The following IGSF21 variants were observed in gnomAD, a reference collection of about 807,000 sequenced individuals.
IGSF21 encodes the protein immunoglobin superfamily member 21, also known as immunoglobulin superfamily member 21.
IGSF21 carries 28 observed loss-of-function variants against 46.8 expected under a neutral mutation model. That is an observed-to-expected ratio of 0.60 (90% CI 0.44 to 0.82). The LOEUF is 0.82. IGSF21 is among the 40% of genes least tolerant of loss of function. IGSF21 has a pLI of 0.00. For synonymous variants in IGSF21, 284 were observed against 273.6 expected, an observed-to-expected ratio of 1.04 and a Z score of -0.38; for missense variants, 624 against 665.5, an observed-to-expected ratio of 0.94 and a Z score of 0.69.
chr1:18,215,388 G>A (rs1171138299), intron 1 of IGSF21, among the ~76,000 whole-genome samples: 2 of 152,190 alleles, frequency 1.3e-5, no homozygotes, highest in Admixed American at 6.5e-5. Context: ...GTGGGAAACA[G>A]ACTGGCAAAA....
At chr1:18,123,346 T>C (rs1162297858) in intron 1 of IGSF21, among the ~76,000 whole-genome samples, 1 of 152,236 alleles carries the variant, frequency 6.6e-6, no homozygotes, top group Non-Finnish European at 1.5e-5. Flanking sequence ...CTCCATTTCC[T>C]GGGAGCATAG....
intron 1 of IGSF21, among the ~76,000 whole-genome samples, chr1:18,142,221 A>G (rs1233013836): frequency 2.0e-5 from 3 of 152,174 alleles, no homozygotes; most frequent in African/African-American, 7.2e-5. Flanking sequence ...AGGGGACTCC[A>G]TTTAATGAAC....
intron 2 of IGSF21, among the ~76,000 whole-genome samples, chr1:18,230,911 C>T (rs1218916361): frequency 1.3e-5 from 2 of 151,884 alleles, no homozygotes; most frequent in Admixed American, 6.6e-5. Flanking sequence ...CCTTCCCCAT[C>T]TCCCTCTCCC....
At chr1:18,291,191 T>C (rs1170409560) in intron 2 of IGSF21, among the ~76,000 whole-genome samples, 1 of 152,166 alleles carries the variant, frequency 6.6e-6, no homozygotes, top group East Asian at 1.9e-4. Context: ...CCCGGCAGCC[T>C]TGGGCTTCCA....
chr1:18,253,272 C>T (rs2084859801), intron 2 of IGSF21, among the ~76,000 whole-genome samples: 4 of 152,206 alleles, frequency 2.6e-5, no homozygotes, highest in Admixed American at 2.0e-4. Context: ...CCTCAGCAAA[C>T]CCAAACTTTC....
intron 5 of IGSF21, among the ~76,000 whole-genome samples, chr1:18,363,416 C>T (rs2086124294): frequency 6.6e-6 from 1 of 151,784 alleles, no homozygotes; most frequent in Non-Finnish European, 1.5e-5. Flanking sequence ...CTGTAGAGGT[C>T]CAGGACAGGG....
intron 2 of IGSF21, among the ~76,000 whole-genome samples, chr1:18,248,848 A>G (rs982499402): frequency 5.3e-5 from 8 of 152,144 alleles, no homozygotes; most frequent in Admixed American, 1.3e-4. Flanking sequence ...GTTGGGATGC[A>G]GAGCAGGTAG....
At chr1:18,319,785 A>G (rs2085582708) in intron 3 of IGSF21, among the ~76,000 whole-genome samples, 2 of 152,092 alleles carry the variant, frequency 1.3e-5, no homozygotes, top group African/African-American at 2.4e-5. Flanking sequence ...CAAATTTTAA[A>G]TAGAAGCGCC....
intron 1 of IGSF21, among the ~76,000 whole-genome samples, chr1:18,225,371 C>T (rs1435695184): frequency 6.6e-6 from 1 of 151,992 alleles, no homozygotes; most frequent in Non-Finnish European, 1.5e-5. Context: ...CACCCAATCA[C>T]CAGAGCTGCA....
chr1:18,159,749 C>T (rs1221938372), intron 1 of IGSF21, among the ~76,000 whole-genome samples: 1 of 143,500 alleles, frequency 7.0e-6, no homozygotes, highest in Non-Finnish European at 1.5e-5. Context: ...GTGGTGTGAT[C>T]TCGGCTCACT....
At chr1:18,116,622 T>C (rs1191714698) in intron 1 of IGSF21, among the ~76,000 whole-genome samples, 2 of 152,172 alleles carry the variant, frequency 1.3e-5, no homozygotes, top group Non-Finnish European at 2.9e-5. Context: ...ATCCAGTCAC[T>C]TCCATTAATT....
In IGSF21 at chr1:18,334,580, C is replaced by T. The variant is rs1037632004; in HGVS notation, c.306-312C>T. On this transcript the variant is annotated intron_variant, in intron 3 of 9. Coordinates refer to ENST00000251296, the MANE Select transcript of IGSF21 (RefSeq NM_032880.5). The surrounding 1 kb of genome is among the most constrained non-coding windows in gnomAD (Gnocchi z 4.3). ...CCCATACCTCTTCACCTGTGCCATCCTCACGGCTCCCTGGAAGTGGGCACC... is the reference window on the plus strand; with the variant it reads ...CCCATACCTCTTCACCTGTGCCATCTTCACGGCTCCCTGGAAGTGGGCACC... Among the ~76,000 whole-genome samples, 20 of 152,302 alleles carry T rather than the reference C, an allele frequency of 1.3e-4. No individual in the cohort carries two copies. Among genetic ancestry groups the T allele is most frequent in the East Asian group, 1.9e-4 (1 of 5,182 alleles).
At chr1:18,240,515 C>T (rs954863951) in intron 2 of IGSF21, among the ~76,000 whole-genome samples, 1 of 152,204 alleles carries the variant, frequency 6.6e-6, no homozygotes. Flanking sequence ...AATGCAAACC[C>T]TTTGCTGGCA....
chr1:18,185,526 T>C (rs966974509), intron 1 of IGSF21, among the ~76,000 whole-genome samples: 2 of 152,212 alleles, frequency 1.3e-5, no homozygotes, highest in African/African-American at 4.8e-5. Context: ...AGCTGCAGGT[T>C]GTGCAGCCTA....
chr1:18,260,548 A>G (rs987149563), intron 2 of IGSF21, among the ~76,000 whole-genome samples: 1 of 152,222 alleles, frequency 6.6e-6, no homozygotes, highest in African/African-American at 2.4e-5. Context: ...TTGCACTCCT[A>G]TTTATACCCA....
intron 4 of IGSF21, among the ~76,000 whole-genome samples, chr1:18,344,237 T>C (rs1214817970): frequency 6.6e-6 from 1 of 152,170 alleles, no homozygotes; most frequent in African/African-American, 2.4e-5. Flanking sequence ...GGTGCAACCA[T>C]AGCTCACTGC....
chr1:18,282,194 T>G (rs1310332737), intron 2 of IGSF21, among the ~76,000 whole-genome samples: 1 of 148,704 alleles, frequency 6.7e-6, no homozygotes, highest in African/African-American at 2.4e-5. Flanking sequence ...TATCCGGTTG[T>G]GGTTCCTGAC....
intron 3 of IGSF21, among the ~76,000 whole-genome samples, chr1:18,329,269 T>G (rs1569821600): frequency 1.3e-5 from 2 of 152,212 alleles, no homozygotes; most frequent in Non-Finnish European, 2.9e-5. Flanking sequence ...CAGTGCCTCC[T>G]ACTGTAAATC....
intron 6 of IGSF21, chr1:18,375,876 A>G (rs1043387478): frequency 1.6e-5 from 3 of 186,452 alleles, no homozygotes; most frequent in Non-Finnish European, 3.5e-5. Flanking sequence ...AGTTGGGGGT[A>G]CCTCAAGTCT....
Sources: gnomAD v4.1 joint callset for allele counts (sites outside exome capture counted in the v4.1 genomes callset) on GRCh38, gnomAD v4.1.1 for gene constraint, Gnocchi (gnomAD v3.1) non-coding constraint, MANE v1.5 for transcripts, NCBI Gene and HGNC (gene_info 2026-07-23, HGNC 2026-07-21) for gene names.